Variants in JMJD1C observed in about 807,000 individuals in gnomAD.
JMJD1C encodes jumonji domain-containing protein 1C.
In JMJD1C, 31 loss-of-function variants were observed where a neutral mutation model predicts 245.3. That is an observed-to-expected ratio of 0.13 (90% CI 0.09 to 0.17). The LOEUF is 0.17. Ranked by LOEUF, JMJD1C falls within the 10% of genes least tolerant of loss-of-function variation. The pLI is 1.00. For missense variants in JMJD1C, 2,691 were observed against 3,000.2 expected, an observed-to-expected ratio of 0.90 and a Z score of 2.41; for synonymous variants, 1,057 against 1,017.4, an observed-to-expected ratio of 1.04 and a Z score of -0.74.
At chr10:63,280,910 G>A (rs1233744756) in intron 2 of JMJD1C, among the ~76,000 whole-genome samples, 1 of 151,274 alleles carries the variant, frequency 6.6e-6, no homozygotes, top group Non-Finnish European at 1.5e-5. Flanking sequence ...GAAATAAAAC[G>A]ACACAAGATG....
intron 2 of JMJD1C, among the ~76,000 whole-genome samples, chr10:63,333,552 GAGAA>G (rs1942388345): frequency 6.6e-6 from 1 of 152,050 alleles, no homozygotes; most frequent in South Asian, 2.1e-4. Context: ...AAAAAAGAGA[GAGAA>G]AGAAAGGCAA....
rs763508324 is a variant in JMJD1C at position 63,213,900 on chromosome 10, G to A, written c.2267C>T (p.Pro756Leu). The change falls in exon 8 of 26, where the codon CCT becomes CTT. Residue 756 changes from proline (P) to leucine (L), a missense_variant. Coordinates refer to ENST00000399262, the MANE Select transcript of JMJD1C (RefSeq NM_032776.3). ...RTCLNPGTHHPALTPAPHLLA... is the reference protein window; with the variant it reads ...RTCLNPGTHHLALTPAPHLLA... ...TAAATGGGGTGCAGGAGTTAAGGCA[G>A]GATGATGGGTACCTGGATTTAAACA... The A allele has an allele frequency of 6.2e-6, 10 of 1,614,034 alleles. No individual in the cohort carries two copies. The South Asian group carries it at 9.9e-5, about 16-fold the overall frequency.
intron 5 of JMJD1C, among the ~76,000 whole-genome samples, 166 bp downstream of exon 5, chr10:63,217,041 G>C (rs556231210): frequency 6.6e-6 from 1 of 152,134 alleles, no homozygotes; most frequent in South Asian, 2.1e-4. Context: ...CCTATGACCT[G>C]AAATGACCTC....
At chr10:63,347,110 A>C (rs1229583149) in intron 2 of JMJD1C, among the ~76,000 whole-genome samples, 1 of 138,246 alleles carries the variant, frequency 7.2e-6, no homozygotes, top group Non-Finnish European at 1.5e-5. Context: ...TCACTCTGTC[A>C]CCCAGGCTGG....
intron 2 of JMJD1C, among the ~76,000 whole-genome samples, chr10:63,283,597 CCT>C (rs1232091995): frequency 6.6e-6 from 1 of 152,038 alleles, no homozygotes; most frequent in Non-Finnish European, 1.5e-5. Context: ...TGACTCCTGA[CCT>C]CAAGTGATGC....
chr10:63,485,301 C>T (rs1318577642), intron 1 of JMJD1C, among the ~76,000 whole-genome samples: 1 of 152,052 alleles, frequency 6.6e-6, no homozygotes, highest in East Asian at 1.9e-4. Flanking sequence ...GAAATACTTA[C>T]TGTGCTCTCC....
intron 2 of JMJD1C, among the ~76,000 whole-genome samples, chr10:63,295,553 G>A (rs536431960): frequency 6.6e-6 from 1 of 152,200 alleles, no homozygotes; most frequent in East Asian, 1.9e-4. Context: ...CAAGAAAGGG[G>A]TCTCTCTCAA....
At chr10:63,490,562 C>T (rs753764644) in intron 1 of JMJD1C, among the ~76,000 whole-genome samples, 11 of 151,916 alleles carry the variant, frequency 7.2e-5, no homozygotes, top group African/African-American at 1.5e-4. Flanking sequence ...ACTACAGATA[C>T]GCGCCACCAT....
intron 23 of JMJD1C, 183 bp downstream of exon 23, chr10:63,177,534 G>A: frequency 1.6e-6 from 1 of 617,090 alleles, no homozygotes; most frequent in Non-Finnish European, 2.8e-6. Context: ...CCCTCAAAAT[G>A]TTAACAGACT....
chr10:63,242,172 C>A (rs1457288954), intron 3 of JMJD1C, among the ~76,000 whole-genome samples: 1 of 152,094 alleles, frequency 6.6e-6, no homozygotes, highest in Non-Finnish European at 1.5e-5. Flanking sequence ...ATACTGGAGA[C>A]AATACAATGG....
At chr10:63,202,388 G>A in intron 10 of JMJD1C, 1 of 985,230 alleles carries the variant, frequency 1.0e-6, no homozygotes, top group South Asian at 4.7e-5. Context: ...TGCTATTTCT[G>A]TCATGCTGAA....
Position 63,193,163 on chromosome 10 carries a change from G to T in JMJD1C, c.5863-12C>A. 1.3e-6 allele frequency: 2 copies of T among 1,595,112 alleles called. No individual in the cohort carries two copies. Among genetic ancestry groups the T allele is most frequent in the South Asian group, 1.1e-5 (1 of 90,612 alleles). Reference sequence around the variant, plus strand: ...ACATTCTGTAAAACCTACAAAGGTAGAACAATTACATTTTTAAACACTTTC... The same window carrying T: ...ACATTCTGTAAAACCTACAAAGGTATAACAATTACATTTTTAAACACTTTC... On this transcript the variant is annotated splice_polypyrimidine_tract_variant and intron_variant, in intron 15 of 25. Coordinates refer to ENST00000399262, the MANE Select transcript of JMJD1C (RefSeq NM_032776.3).
rs1282959705 is a variant in JMJD1C, at chr10:63,465,608, C to T, written c.55G>A (p.Val19Ile). 3 of 1,610,118 alleles carry T rather than the reference C, an allele frequency of 1.9e-6. No individual in the cohort carries two copies. In the East Asian group the frequency reaches 6.7e-5, roughly 36 times the overall value. The change falls in exon 1 of 26, where the codon GTC becomes ATC. Residue 19 changes from valine (V) to isoleucine (I), a missense_variant. Val to Ile is a conservative substitution (Grantham distance 29). This residue lies in a region of JMJD1C where 135 missense variants were observed against 115.5 expected (regional missense o/e 1.17). Transcript: ENST00000399262. Reference sequence around the variant, plus strand: ...CGCTCCGAACGTGCCTCGTCGCCGACCGCCACACACAGGAACCGCTTACCC... The same window carrying T: ...CGCTCCGAACGTGCCTCGTCGCCGATCGCCACACACAGGAACCGCTTACCC... ...LVGKRFLCVAVGDEARSERWE... is the reference protein window; with the variant it reads ...LVGKRFLCVAIGDEARSERWE...
At chr10:63,398,494 T>C (rs1290164706) in intron 1 of JMJD1C, among the ~76,000 whole-genome samples, 1 of 152,168 alleles carries the variant, frequency 6.6e-6, no homozygotes, top group Non-Finnish European at 1.5e-5. Flanking sequence ...CATAATACGG[T>C]ATTCTTCATC....
intron 10 of JMJD1C, chr10:63,203,513 A>T: frequency 1.0e-6 from 1 of 978,896 alleles, no homozygotes; most frequent in East Asian, 1.1e-4. Flanking sequence ...AGAGAAATTA[A>T]CTGTGATCAT....
At chr10:63,472,870 C>A (rs1012814379) in intron 1 of JMJD1C, among the ~76,000 whole-genome samples, 2 of 151,752 alleles carry the variant, frequency 1.3e-5, no homozygotes, top group Non-Finnish European at 2.9e-5. Context: ...CCGCAACCGC[C>A]TTCTCTCAGG....
At chr10:63,422,673 T>C (rs1159497975) in intron 1 of JMJD1C, among the ~76,000 whole-genome samples, 1 of 152,186 alleles carries the variant, frequency 6.6e-6, no homozygotes, top group African/African-American at 2.4e-5. Context: ...GTAGAGAGCA[T>C]GAGGGCAATA....
At position 63,207,889 on chromosome 10, in the gene JMJD1C, G is replaced by T. The variant is rs764321670; in HGVS notation, c.3780C>A (p.Ser1260=). Residue 1260 remains serine (S), a synonymous_variant, in exon 10 of 26, where the codon TCC becomes TCA. Transcript: ENST00000399262. ...CTGAAGAACTCTTAAAATTTGCCTGGGAGTCTTTTGGTTCGGGTATTAGAG... is the reference window on the plus strand; with the variant it reads ...CTGAAGAACTCTTAAAATTTGCCTGTGAGTCTTTTGGTTCGGGTATTAGAG... ...PPTLIPEPKD[S]QANFKSSSEQ... The T allele has an allele frequency of 3.7e-6, 6 of 1,613,990 alleles. No individual in the cohort carries two copies. In the South Asian group the frequency reaches 6.6e-5, roughly 18 times the overall value.
At chr10:63,463,933 T>C (rs141219278) in intron 1 of JMJD1C, among the ~76,000 whole-genome samples, 11 of 152,310 alleles carry the variant, frequency 7.2e-5, no homozygotes, top group Non-Finnish European at 1.5e-4. Flanking sequence ...AACTCTTTAA[T>C]CACTTAAATT....
Sources: allele counts gnomAD v4.1 joint callset (sites outside exome capture counted in the v4.1 genomes callset), GRCh38; gene constraint gnomAD v4.1.1; regional missense constraint gnomAD v4.1.1; transcripts MANE v1.5; gene names NCBI Gene and HGNC (gene_info 2026-07-23, HGNC 2026-07-21).